The following PHLDB2 variants were observed in gnomAD, a reference collection of about 807,000 sequenced individuals.
PHLDB2 encodes the protein pleckstrin homology-like domain family B member 2.
A neutral mutation model predicts 123.6 loss-of-function variants in PHLDB2; 71 were observed. That is an observed-to-expected ratio of 0.57 (90% CI 0.47 to 0.70). The LOEUF (loss-of-function observed/expected upper bound fraction) is 0.70, where lower values mean the gene tolerates loss of function less well. Among genes scored for constraint, PHLDB2 ranks in the 30% least tolerant of loss-of-function variants. The probability of loss-of-function intolerance (pLI) is 0.00; values close to 1 mark genes in which losing one functional copy is unlikely to be tolerated. For missense variants in PHLDB2, 1,446 were observed against 1,519.5 expected, an observed-to-expected ratio of 0.95 and a Z score of 0.80; for synonymous variants, 547 against 541.6, an observed-to-expected ratio of 1.01 and a Z score of -0.14.
At chr3:111,817,411 G>T (rs2062134545) in intron 1 of PHLDB2, among the ~76,000 whole-genome samples, 1 of 152,164 alleles carries the variant, frequency 6.6e-6, no homozygotes, top group African/African-American at 2.4e-5. Context: ...ATCCATACCA[G>T]CTGACTTAAA....
At chr3:111,825,516 C>T (rs746982571) in intron 1 of PHLDB2, among the ~76,000 whole-genome samples, 31 of 152,218 alleles carry the variant, frequency 2.0e-4, no homozygotes, top group Non-Finnish European at 3.2e-4. Flanking sequence ...AGCACCATCT[C>T]GGCTCATGGG....
chr3:111,968,018 C>T (rs556186457), intron 15 of PHLDB2, among the ~76,000 whole-genome samples, 194 bp downstream of exon 15: 2 of 141,628 alleles, frequency 1.4e-5, no homozygotes, highest in African/African-American at 5.2e-5. Flanking sequence ...CATTTCAAAA[C>T]TCTTAGGGAA....
chr3:111,851,298 G>A (rs2064246164), intron 2 of PHLDB2, among the ~76,000 whole-genome samples: 1 of 151,922 alleles, frequency 6.6e-6, no homozygotes, highest in South Asian at 2.1e-4. Context: ...AAAATGGTCT[G>A]GCAAGTAGCT....
At chr3:111,855,889 C>T (rs952495772), upstream of PHLDB2, among the ~76,000 whole-genome samples, 7 of 152,068 alleles carry the variant, frequency 4.6e-5, no homozygotes, top group Admixed American at 1.3e-4. Flanking sequence ...ACCTCGGCTC[C>T]CAAGGTGTTG....
At chr3:111,912,162 C>T (rs1370796053) in intron 2 of PHLDB2, among the ~76,000 whole-genome samples, 1 of 152,178 alleles carries the variant, frequency 6.6e-6, no homozygotes, top group Non-Finnish European at 1.5e-5. Flanking sequence ...TTGGAATTAA[C>T]ATGAAAGGTA....
intron 1 of PHLDB2, among the ~76,000 whole-genome samples, chr3:111,827,470 T>A (rs554636465): frequency 2.0e-5 from 3 of 152,022 alleles, no homozygotes; most frequent in Non-Finnish European, 4.4e-5. Context: ...GGTCAGGAGA[T>A]AGATACCATC....
At chr3:111,919,028 G>T in intron 3 of PHLDB2, 44 bp from the exon 4 acceptor site, 6 of 1,600,658 alleles carry the variant, frequency 3.7e-6, no homozygotes, top group Non-Finnish European at 4.3e-6. Context: ...GGAAATTCTA[G>T]AACTGAGGTG....
At chr3:111,890,661 A>AT (rs1013068602) in intron 2 of PHLDB2, among the ~76,000 whole-genome samples, 3 of 151,964 alleles carry the variant, frequency 2.0e-5, no homozygotes, top group African/African-American at 4.8e-5. Flanking sequence ...TTTCACCTGG[A>AT]TTTTTTTTAA....
intron 12 of PHLDB2, among the ~76,000 whole-genome samples, chr3:111,955,772 G>A (rs1326890073): frequency 2.6e-5 from 4 of 152,016 alleles, no homozygotes; most frequent in African/African-American, 9.7e-5. Context: ...TCCCACCGTC[G>A]GAAGACATCA....
At chr3:111,902,562 C>T (rs1364641000) in intron 2 of PHLDB2, among the ~76,000 whole-genome samples, 1 of 152,158 alleles carries the variant, frequency 6.6e-6, no homozygotes, top group African/African-American at 2.4e-5. Context: ...AAAACAGGCA[C>T]ATAGCCAGAA....
At chr3:111,859,195 C>T, upstream of PHLDB2, 1 of 985,266 alleles carries the variant, frequency 1.0e-6, no homozygotes, top group Non-Finnish European at 1.2e-6. Context: ...GTGAGGAAAT[C>T]ATCACCCTAG....
intron 15 of PHLDB2, among the ~76,000 whole-genome samples, chr3:111,968,293 C>T (rs1241933023): frequency 6.6e-6 from 1 of 152,170 alleles, no homozygotes; most frequent in Non-Finnish European, 1.5e-5. Context: ...AGTCCAGTGT[C>T]TTTGTCATGG....
At chr3:111,905,835 T>C (rs1342395839) in intron 2 of PHLDB2, among the ~76,000 whole-genome samples, 1 of 152,188 alleles carries the variant, frequency 6.6e-6, no homozygotes, top group Non-Finnish European at 1.5e-5. Flanking sequence ...TCAGCTCCAT[T>C]ATAATCTTTT....
Position 111,770,709 on chromosome 3 carries a change from C to T in PHLDB2, c.-49+38006C>T, listed in dbSNP as rs575628942. ...ATGAAATGACTTCTCCAATATTACA[C>T]AGTTCCCACCTCACAGAGGTAGAAC... On this transcript the variant is annotated intron_variant, in intron 1 of 17. Transcript: ENST00000393923. Among the ~76,000 whole-genome samples, 51 of 152,332 alleles carry T rather than the reference C, an allele frequency of 3.3e-4. 1 individual carries two copies. Among genetic ancestry groups the T allele is most frequent in the Middle Eastern group, 3.4e-3 (1 of 294 alleles).
At chr3:111,896,295 T>A (rs1338414683) in intron 2 of PHLDB2, among the ~76,000 whole-genome samples, 1 of 152,302 alleles carries the variant, frequency 6.6e-6, no homozygotes, top group Non-Finnish European at 1.5e-5. Flanking sequence ...GCTACCATTT[T>A]AAAAATTTAT....
chr3:111,894,199 T>C (rs1305441028), intron 2 of PHLDB2, among the ~76,000 whole-genome samples: 5 of 151,546 alleles, frequency 3.3e-5, no homozygotes, highest in Non-Finnish European at 7.4e-5. Flanking sequence ...CTGAGAATGA[T>C]GATTTCCAAT....
rs956638334 is a variant in PHLDB2 at position 111,859,387 on chromosome 3, A to C, written c.-204A>C. Reference sequence around the variant, plus strand: ...TGCCTGGGAGCGGGGCAGGTCACCAACTTCGTTGCTCGAACTCCCTGGGTG... The same window carrying C: ...TGCCTGGGAGCGGGGCAGGTCACCACCTTCGTTGCTCGAACTCCCTGGGTG... On this transcript the variant is annotated 5_prime_UTR_variant, in exon 1 of 18. Coordinates refer to ENST00000431670, the MANE Select transcript of PHLDB2 (RefSeq NM_001134438.2). 416 of 985,476 alleles carry C rather than the reference A, an allele frequency of 4.2e-4. No homozygotes were observed. Among genetic ancestry groups the C allele is most frequent in the Non-Finnish European group, 4.8e-4 (398 of 830,124 alleles). 61.0% of individuals were successfully genotyped at this position (985,476 alleles called of 1,614,324 possible). A position where few individuals can be genotyped will look rare whatever the true frequency, so the allele number is the denominator to read the frequency against.
chr3:111,816,235 C>A (rs1200492270), intron 1 of PHLDB2, among the ~76,000 whole-genome samples: 1 of 152,158 alleles, frequency 6.6e-6, no homozygotes, highest in Non-Finnish European at 1.5e-5. Flanking sequence ...TGAGGCACTG[C>A]CTAGTGGAGC....
intron 6 of PHLDB2, among the ~76,000 whole-genome samples, chr3:111,935,182 C>G (rs1414257519): frequency 3.4e-5 from 5 of 146,048 alleles, no homozygotes; most frequent in Non-Finnish European, 7.5e-5. Context: ...TCACTGCAAG[C>G]TCCACCTCCC....
Sources: gnomAD v4.1 joint callset for allele counts (sites outside exome capture counted in the v4.1 genomes callset) on GRCh38, gnomAD v4.1.1 for gene constraint, MANE v1.5 for transcripts, NCBI Gene and HGNC (gene_info 2026-07-23, HGNC 2026-07-21) for gene names.